NPFFR2: variants seen among roughly 807,000 people sequenced by gnomAD.
NPFFR2 encodes G-protein coupled receptor 74.
In NPFFR2, 15 loss-of-function variants were observed where a neutral mutation model predicts 13.1. The observed-to-expected ratio is 1.15, with a 90% CI of 0.77 to 1.76. The LOEUF (loss-of-function observed/expected upper bound fraction) is 1.76, where lower values mean the gene tolerates loss of function less well. Ranked by LOEUF, NPFFR2 falls within the 40% of genes most tolerant of loss-of-function variation. The probability of loss-of-function intolerance (pLI) is 0.00; values close to 1 mark genes in which losing one functional copy is unlikely to be tolerated. For synonymous variants in NPFFR2, 190 were observed against 175.7 expected (o/e 1.08, Z -0.65); for missense variants, 572 against 503.5 (o/e 1.14, Z -1.30).
chr4:72,090,056 C>T (rs1254471957), intron 1 of NPFFR2, among the ~76,000 whole-genome samples: 1 of 152,038 alleles, frequency 6.6e-6, no homozygotes, highest in African/African-American at 2.4e-5. Context: ...GCCAATTATC[C>T]CAGCACCATT....
intron 1 of NPFFR2, among the ~76,000 whole-genome samples, chr4:72,058,489 A>G (rs368347490): frequency 1.6e-4 from 25 of 152,078 alleles, no homozygotes; most frequent in Admixed American, 1.6e-3. Flanking sequence ...GATGTGATAT[A>G]TGTTTTAATG....
rs191925009 is a variant in NPFFR2, at chr4:72,039,307, C to T, written c.-8+7107C>T. ...TCTCCCGACCTCGTGATCCACCCAC[C>T]TCGGCCTCCCAAAGTGCTGGGATTA... On this transcript the variant is annotated intron_variant, in intron 1 of 3. Transcript: ENST00000308744. 1,319 of 437,612 alleles carry T rather than the reference C, an allele frequency of 3.0e-3. 19 individuals are homozygous for T. Among genetic ancestry groups the T allele is most frequent in the African/African-American group, 0.026 (1,199 of 46,652 alleles). The allele number at this position is 437,612 out of a possible 1,614,324, so 27.1% of individuals were successfully genotyped here.
chr4:72,144,768 C>A (rs543068316), intron 3 of NPFFR2, among the ~76,000 whole-genome samples: 1 of 152,162 alleles, frequency 6.6e-6, no homozygotes, highest in East Asian at 1.9e-4. Flanking sequence ...TCACTCAATT[C>A]AAACAAAAAA....
Position 72,128,660 on chromosome 4 carries a change from G to A in NPFFR2, c.69G>A (p.Lys23=), listed in dbSNP as rs544646763. The change falls in exon 2 of 4, where the codon AAG becomes AAA. Residue 23 remains lysine (K), a synonymous_variant. Transcript: ENST00000308744. The stretch of plus-strand genomic sequence containing the variant: ...CCATCTGGAATGTCAATGACACAAA[G>A]CATCATCTGTACTCAGATATTAATA... The part of the protein sequence containing the change: ...WHPIWNVNDT[K]HHLYSDINIT... The A allele has an allele frequency of 9.3e-6, 15 of 1,613,670 alleles. No individual in the cohort carries two copies. Among genetic ancestry groups the A allele is most frequent in the African/African-American group, 5.3e-5 (4 of 75,020 alleles).
chr4:72,081,459 A>G (rs144842325), intron 1 of NPFFR2, among the ~76,000 whole-genome samples: 113 of 151,790 alleles, frequency 7.4e-4, no homozygotes, highest in African/African-American at 2.7e-3. Context: ...TAGGACATGT[A>G]AAGAAGATGG....
intron 1 of NPFFR2, among the ~76,000 whole-genome samples, chr4:72,057,991 A>G (rs1034276493): frequency 2.0e-5 from 3 of 152,058 alleles, no homozygotes; most frequent in Non-Finnish European, 4.4e-5. Context: ...CCTCAAAGTT[A>G]TGAAAGACAG....
At chr4:72,045,433 TTATAA>T (rs1330416472) in intron 1 of NPFFR2, among the ~76,000 whole-genome samples, 1 of 152,160 alleles carries the variant, frequency 6.6e-6, no homozygotes, top group Non-Finnish European at 1.5e-5. Context: ...TACTATAGCC[TTATAA>T]TATATTTTTT....
chr4:72,057,665 C>G (rs1346274582), intron 1 of NPFFR2, among the ~76,000 whole-genome samples: 1 of 151,916 alleles, frequency 6.6e-6, no homozygotes, highest in Non-Finnish European at 1.5e-5. Flanking sequence ...TACATAGATT[C>G]CAGGTGGACA....
chr4:72,075,292 G>C (rs955852739), intron 1 of NPFFR2, among the ~76,000 whole-genome samples: 4 of 152,112 alleles, frequency 2.6e-5, no homozygotes, highest in Non-Finnish European at 5.9e-5. Context: ...GGCTCTCCTT[G>C]CTGTTCAGCC....
At chr4:72,050,611 G>C (rs1719519475) in intron 1 of NPFFR2, among the ~76,000 whole-genome samples, 1 of 151,912 alleles carries the variant, frequency 6.6e-6, no homozygotes, top group South Asian at 2.1e-4. Flanking sequence ...ACATTTCTTT[G>C]ATGTATTTTT....
intron 3 of NPFFR2, among the ~76,000 whole-genome samples, chr4:72,139,500 G>A (rs904767811): frequency 7.2e-5 from 11 of 152,188 alleles, no homozygotes; most frequent in East Asian, 3.9e-4. Context: ...TCCCAGCACC[G>A]TTTATTAAAT....
intron 1 of NPFFR2, among the ~76,000 whole-genome samples, chr4:72,068,343 G>T (rs1178203922): frequency 6.6e-6 from 1 of 152,192 alleles, no homozygotes; most frequent in Non-Finnish European, 1.5e-5. Context: ...GTCCTAAGAT[G>T]GCAGAAGGCA....
intron 1 of NPFFR2, among the ~76,000 whole-genome samples, chr4:72,043,119 C>T (rs1029354241): frequency 4.6e-5 from 7 of 152,148 alleles, no homozygotes; most frequent in African/African-American, 1.4e-4. Context: ...ATTGCAATTC[C>T]CAATCCTTGG....
intron 1 of NPFFR2, among the ~76,000 whole-genome samples, chr4:72,084,675 A>G (rs577784184): frequency 3.3e-5 from 5 of 152,210 alleles, no homozygotes; most frequent in East Asian, 3.9e-4. Context: ...TTTCATCTCA[A>G]AAGAGGCCCA....
At chr4:72,082,069 T>C (rs1685544709) in intron 1 of NPFFR2, among the ~76,000 whole-genome samples, 1 of 152,150 alleles carries the variant, frequency 6.6e-6, no homozygotes, top group Non-Finnish European at 1.5e-5. Context: ...TACTAGAGAC[T>C]TGTAACTGCA....
At chr4:72,066,292 A>C (rs1720065521) in intron 1 of NPFFR2, among the ~76,000 whole-genome samples, 1 of 152,118 alleles carries the variant, frequency 6.6e-6, no homozygotes, top group African/African-American at 2.4e-5. Flanking sequence ...AGGATCCCTC[A>C]TGACCTAATC....
Position 72,137,926 on chromosome 4 carries a change from G to A in NPFFR2, c.329-114G>A, listed in dbSNP as rs533187793. The A allele has an allele frequency of 3.7e-4, 270 of 725,262 alleles. 1 individual carries two copies. Among genetic ancestry groups the A allele is most frequent in the Non-Finnish European group, 5.0e-4 (209 of 420,498 alleles). 44.9% of individuals were successfully genotyped at this position (725,262 alleles called of 1,614,324 possible). A position where few individuals can be genotyped will look rare whatever the true frequency, so the allele number is the denominator to read the frequency against. On this transcript the variant is annotated intron_variant, in intron 2 of 3. Coordinates refer to ENST00000308744, the MANE Select transcript of NPFFR2 (RefSeq NM_004885.3). ...TACTGAGAAACATTGATTTTTCTCT[G>A]CCTATCATGTAGAAAACAGTTACAT...
chr4:72,070,160 C>T (rs1177063772), intron 1 of NPFFR2, among the ~76,000 whole-genome samples: 3 of 152,132 alleles, frequency 2.0e-5, no homozygotes, highest in African/African-American at 4.8e-5. Flanking sequence ...AGAGATTGCT[C>T]CTTTAACCAC....
intron 1 of NPFFR2, among the ~76,000 whole-genome samples, chr4:72,066,843 C>A (rs192394654): frequency 6.6e-6 from 1 of 152,158 alleles, no homozygotes; most frequent in Non-Finnish European, 1.5e-5. Context: ...GTACCCCAAG[C>A]AGCTGCCCTC....
Sources: gnomAD v4.1 joint callset for allele counts (sites outside exome capture counted in the v4.1 genomes callset) on GRCh38, gnomAD v4.1.1 for gene constraint, MANE v1.5 for transcripts, NCBI Gene and HGNC (gene_info 2026-07-23, HGNC 2026-07-21) for gene names.